DMD: variants seen among roughly 807,000 people sequenced by gnomAD.
DMD encodes the protein dystrophin, also known as mutant dystrophin.
DMD carries 63 observed loss-of-function variants against 330.1 expected under a neutral mutation model. That is an observed-to-expected ratio of 0.19 (90% confidence interval 0.16 to 0.24). The LOEUF (loss-of-function observed/expected upper bound fraction) is 0.24. Ranked by LOEUF, DMD falls within the 10% of genes least tolerant of loss-of-function variation. The pLI, the probability that DMD is intolerant of heterozygous loss-of-function variation, is 1.00. For synonymous variants in DMD, 1,223 were observed against 959.8 expected, an observed-to-expected ratio of 1.27 and a Z score of -5.07; for missense variants, 3,344 against 2,684.1, an observed-to-expected ratio of 1.25 and a Z score of -5.43.
intron 2 of DMD, 65 bp from the exon 3 acceptor site, chrX:32,849,885 AT>A: frequency 1.2e-6 from 1 of 837,263 alleles, no homozygotes; most frequent in Non-Finnish European, 1.8e-6. Context: ...TTTCACGATT[AT>A]CCCCTTTTGA....
intron 1 of DMD, among the ~76,000 whole-genome samples, chrX:33,235,377 A>G (rs1569558987): frequency 8.9e-6 from 1 of 111,841 alleles, no homozygotes; most frequent in Non-Finnish European, 1.9e-5. Flanking sequence ...CCAAGTATTG[A>G]TCTAAGCAAC....
At chrX:32,785,713 CT>C (rs961108798) in intron 7 of DMD, among the ~76,000 whole-genome samples, 1 of 111,093 alleles carries the variant, frequency 9.0e-6, no homozygotes, top group African/African-American at 3.3e-5. Context: ...TATTTTTTAA[CT>C]TTTTTCGTAT....
At chrX:32,309,154 C>G (rs1476376033) in intron 42 of DMD, among the ~76,000 whole-genome samples, 2 of 111,323 alleles carry the variant, frequency 1.8e-5, no homozygotes, top group African/African-American at 6.5e-5. Flanking sequence ...ACTGAAGATA[C>G]TGCAACACCG....
intron 17 of DMD, among the ~76,000 whole-genome samples, chrX:32,521,341 G>A (rs2046400824): frequency 9.0e-6 from 1 of 111,608 alleles, no homozygotes. Flanking sequence ...CTATCCGTTT[G>A]TAATTTTTCT....
intron 7 of DMD, among the ~76,000 whole-genome samples, chrX:32,735,439 A>C (rs754694106): frequency 1.3e-4 from 14 of 111,240 alleles, no homozygotes; most frequent in African/African-American, 4.6e-4. Flanking sequence ...TGGAACCAAA[A>C]AAGAGCCCGC....
At chrX:33,038,664 G>A (rs1416219314) in intron 1 of DMD, among the ~76,000 whole-genome samples, 3 of 111,934 alleles carry the variant, frequency 2.7e-5, no homozygotes, top group African/African-American at 6.5e-5. Context: ...CAGTAGATAT[G>A]TGAATTTTGA....
At chrX:31,817,814 G>A (rs1159251082) in intron 50 of DMD, among the ~76,000 whole-genome samples, 2 of 111,718 alleles carry the variant, frequency 1.8e-5, no homozygotes, top group East Asian at 5.6e-4. Flanking sequence ...CACTCCTCTA[G>A]TCTCACTGAT....
chrX:31,841,040 G>A (rs1308281432), intron 48 of DMD, among the ~76,000 whole-genome samples: 1 of 111,847 alleles, frequency 8.9e-6, no homozygotes, highest in East Asian at 2.8e-4. Flanking sequence ...AAGAGAGGCT[G>A]GAAGCTAGGC....
chrX:31,930,986 C>T lies in DMD; in HGVS notation c.6762+1094G>A, dbSNP rs985346359. ...TGCTCCATATTTGTTTATTGAATTACGCCATATTTTATTTTTATACTTTAT... is the reference window on the plus strand; with the variant it reads ...TGCTCCATATTTGTTTATTGAATTATGCCATATTTTATTTTTATACTTTAT... On this transcript the variant is annotated intron_variant, in intron 46 of 78. Coordinates refer to ENST00000357033, the MANE Select transcript of DMD (RefSeq NM_004006.3). 6.3e-5 allele frequency among the ~76,000 whole-genome samples: 7 copies of T among 111,868 alleles called. No individual in the cohort carries two copies. The South Asian group carries it at 1.8e-3, about 29-fold the overall frequency.
intron 60 of DMD, among the ~76,000 whole-genome samples, chrX:31,362,018 G>A (rs759122439): frequency 1.2e-4 from 13 of 111,576 alleles, no homozygotes; most frequent in South Asian, 7.4e-4. Context: ...ACCATTTCAC[G>A]GTTGTTTGCA....
intron 53 of DMD, among the ~76,000 whole-genome samples, chrX:31,664,623 C>T (rs1329198874): frequency 2.1e-5 from 2 of 95,718 alleles, no homozygotes; most frequent in Non-Finnish European, 4.0e-5. Flanking sequence ...TCAACTGGAG[C>T]AGGAGGCAGG....
chrX:32,887,770 A>AAAC lies in DMD; in HGVS notation c.94-37951_94-37950insGTT, dbSNP rs1557117377. Among the ~76,000 whole-genome samples the AAAC allele has an allele frequency of 4.1e-4, 29 of 70,335 alleles. 1 individual carries two copies. The highest frequency in any genetic ancestry group is 1.5e-3 in the African/African-American group (28 of 18,696). The allele number at this position is 70,335 out of a possible 115,157, so 61.1% of individuals were successfully genotyped here. ...CAAAAAAAAAAAAAAAAAAAAAAAA[A>AAAC]AAAAAACATCAACTAAAAGCTTATG... On this transcript the variant is annotated intron_variant, in intron 2 of 78. Transcript: ENST00000357033.
intron 52 of DMD, among the ~76,000 whole-genome samples, chrX:31,688,482 C>T (rs772722855): frequency 8.7e-4 from 97 of 111,389 alleles, no homozygotes; most frequent in African/African-American, 2.9e-3. Flanking sequence ...AATTAATAGC[C>T]TACAAACCAA....
chrX:31,548,626 A>G (rs959341779), intron 55 of DMD, among the ~76,000 whole-genome samples: 1 of 107,306 alleles, frequency 9.3e-6, no homozygotes, highest in Admixed American at 1.0e-4. Context: ...CCTGACCTCA[A>G]GTGATCTGCC....
chrX:32,164,146 C>T lies in DMD; in HGVS notation c.6438+52770G>A, dbSNP rs571414976. 5.5e-4 allele frequency among the ~76,000 whole-genome samples: 61 copies of T among 111,150 alleles called. 1 individual carries two copies. The South Asian group carries it at 0.023, about 42-fold the overall frequency. ...TCAGCACTTTAGGGGTGGAGGCAAGCAGATCGCTTGAGCGCAGGAGTTAAG... is the reference window on the plus strand; with the variant it reads ...TCAGCACTTTAGGGGTGGAGGCAAGTAGATCGCTTGAGCGCAGGAGTTAAG... On this transcript the variant is annotated intron_variant, in intron 44 of 78. Transcript: ENST00000357033.
At chrX:32,349,334 T>C (rs954040844) in intron 37 of DMD, among the ~76,000 whole-genome samples, 6 of 111,632 alleles carry the variant, frequency 5.4e-5, no homozygotes, top group African/African-American at 1.9e-4. Context: ...ATAAAATACA[T>C]TGATACTCTC....
At chrX:32,598,930 G>A (rs1399230226) in intron 12 of DMD, among the ~76,000 whole-genome samples, 1 of 111,906 alleles carries the variant, frequency 8.9e-6, no homozygotes, top group Non-Finnish European at 1.9e-5. Flanking sequence ...GCTCTCTACA[G>A]TGACTAAGAA....
At chrX:32,046,333 C>T (rs902183774) in intron 44 of DMD, among the ~76,000 whole-genome samples, 1 of 112,410 alleles carries the variant, frequency 8.9e-6, no homozygotes, top group African/African-American at 3.2e-5. Flanking sequence ...TTCCCACATT[C>T]ATTACCCTTC....
Position 31,870,554 on chromosome X carries a change from T to C in DMD, c.7098+4634A>G, listed in dbSNP as rs765746871. Among the ~76,000 whole-genome samples, 5 of 112,230 alleles carry C rather than the reference T, an allele frequency of 4.5e-5. No individual in the cohort carries two copies. In the East Asian group the frequency reaches 1.4e-3, roughly 31 times the overall value. The stretch of plus-strand genomic sequence containing the variant: ...TCTCCTGCCTTTTATTTCAGCAGAA[T>C]TGAGTTCAATCTGTCTCCTCTATTG... On this transcript the variant is annotated intron_variant, in intron 48 of 78. Coordinates refer to ENST00000357033, the MANE Select transcript of DMD (RefSeq NM_004006.3).
Sources: allele counts gnomAD v4.1 joint callset (sites outside exome capture counted in the v4.1 genomes callset), GRCh38; gene constraint gnomAD v4.1.1; transcripts MANE v1.5; gene names NCBI Gene and HGNC (gene_info 2026-07-23, HGNC 2026-07-21).